Variants in MARK2 observed in about 807,000 individuals in gnomAD.
MARK2 encodes the protein microtubule affinity regulating kinase 2, also known as serine/threonine-protein kinase MARK2.
A neutral mutation model predicts 89.8 loss-of-function variants in MARK2; 16 were observed. The ratio of observed to expected loss-of-function variants is 0.18; its 90% CI spans 0.12 to 0.27. MARK2 has a LOEUF of 0.27. MARK2 is among the 10% of genes least tolerant of loss of function. The probability of loss-of-function intolerance (pLI) is 1.00; values close to 1 mark genes in which losing one functional copy is unlikely to be tolerated. For synonymous variants in MARK2, 382 were observed against 399.5 expected, an observed-to-expected ratio of 0.96 and a Z score of 0.52; for missense variants, 621 against 1,049.9, an observed-to-expected ratio of 0.59 and a Z score of 5.65.
At position 63,909,037 on chromosome 11, in the gene MARK2, T is replaced by A; in HGVS notation, c.2167T>A (p.Cys723Ser). The part of the protein sequence containing the change: ...EIRKVLDANS[C>S]QSELHEKYML... ...CCGCAAGGTGCTGGACGCGAACAGC[T>A]GCCAGAGCGAGCTGCATGAGAAGTA... Residue 723 changes from cysteine to serine, a missense_variant, in exon 19 of 19, where the codon TGC becomes AGC. Cys to Ser is a moderately radical substitution (Grantham distance 112). This residue lies in a region of MARK2 where 49 missense variants were observed against 46.7 expected (regional missense o/e 1.05). Coordinates refer to ENST00000402010, the MANE Select transcript of MARK2 (RefSeq NM_001039469.3). 6.2e-7 allele frequency: 1 copy of A among 1,600,202 alleles called. No individual in the cohort carries two copies. The highest frequency in any genetic ancestry group is 8.6e-7 in the Non-Finnish European group (1 of 1,168,586).
At position 63,902,082 on chromosome 11, in the gene MARK2, G is replaced by T. The variant is rs558143140; in HGVS notation, c.1102-116G>T. The T allele has an allele frequency of 2.7e-5, 30 of 1,130,938 alleles. No individual in the cohort carries two copies. The African/African-American group carries it at 4.4e-4, about 16-fold the overall frequency. 70.1% of individuals were successfully genotyped at this position (1,130,938 alleles called of 1,614,324 possible). A position where few individuals can be genotyped will look rare whatever the true frequency, so the allele number is the denominator to read the frequency against. On this transcript the variant is annotated intron_variant, in intron 11 of 18. Coordinates refer to ENST00000402010, the MANE Select transcript of MARK2 (RefSeq NM_001039469.3). The surrounding 1 kb of genome is among the most constrained non-coding windows in gnomAD (Gnocchi z 4.2). ...TATTGGTCTTACAAGTGGATGTCCGGTATGATCCTGGGGTGTTTGAGTGTT... is the reference window on the plus strand; with the variant it reads ...TATTGGTCTTACAAGTGGATGTCCGTTATGATCCTGGGGTGTTTGAGTGTT...
At chr11:63,857,325 T>G (rs2016916302) in intron 1 of MARK2, among the ~76,000 whole-genome samples, 1 of 152,008 alleles carries the variant, frequency 6.6e-6, no homozygotes, top group Admixed American at 6.5e-5. Flanking sequence ...TGCCACCAAG[T>G]GATTTTTGCA....
chr11:63,888,440 T>G, intron 1 of MARK2: 1 of 793,684 alleles, frequency 1.3e-6, no homozygotes, highest in African/African-American at 1.9e-5. Context: ...TCGCCAGCTG[T>G]TACCCAGCAA....
intron 1 of MARK2, among the ~76,000 whole-genome samples, chr11:63,894,354 C>T (rs937080264): frequency 3.3e-5 from 5 of 152,180 alleles, no homozygotes; most frequent in Admixed American, 6.5e-5. Context: ...GGTTCGACTT[C>T]GGCCATGCAG....
At chr11:63,853,828 T>A (rs1304054071) in intron 1 of MARK2, among the ~76,000 whole-genome samples, 1 of 152,074 alleles carries the variant, frequency 6.6e-6, no homozygotes, top group African/African-American at 2.4e-5. Flanking sequence ...TTAAAGACTA[T>A]CATTTTTTTT....
At chr11:63,865,185 C>T (rs1267888738) in intron 1 of MARK2, among the ~76,000 whole-genome samples, 1 of 152,226 alleles carries the variant, frequency 6.6e-6, no homozygotes, top group Non-Finnish European at 1.5e-5. Context: ...GCCATTGTAT[C>T]CAGCCCAGTT....
intron 1 of MARK2, among the ~76,000 whole-genome samples, chr11:63,881,012 A>G (rs1939055213): frequency 6.6e-6 from 1 of 152,216 alleles, no homozygotes; most frequent in Non-Finnish European, 1.5e-5. Context: ...GCCATGAATA[A>G]GACAGACCTG....
chr11:63,878,735 A>G (rs1175792371), intron 1 of MARK2, among the ~76,000 whole-genome samples: 2 of 151,964 alleles, frequency 1.3e-5, no homozygotes, highest in Non-Finnish European at 2.9e-5. Context: ...TCTGCTGCCC[A>G]TGGTGCTTGG....
intron 1 of MARK2, among the ~76,000 whole-genome samples, chr11:63,855,725 G>T (rs1565099824): frequency 6.6e-6 from 1 of 152,142 alleles, no homozygotes; most frequent in Non-Finnish European, 1.5e-5. Flanking sequence ...TCTGTGAAGT[G>T]AGATTTTCTT....
At chr11:63,862,126 T>C (rs1025781655) in intron 1 of MARK2, among the ~76,000 whole-genome samples, 14 of 151,726 alleles carry the variant, frequency 9.2e-5, no homozygotes, top group Non-Finnish European at 1.9e-4. Context: ...GGTTTTACCG[T>C]GTTGGCCAGG....
intron 1 of MARK2, among the ~76,000 whole-genome samples, chr11:63,850,251 C>T (rs533942477): frequency 2.6e-5 from 4 of 151,584 alleles, no homozygotes; most frequent in South Asian, 2.1e-4. Flanking sequence ...CAGGTTCAAG[C>T]GATTCTCCTG....
intron 1 of MARK2, among the ~76,000 whole-genome samples, chr11:63,848,156 C>T (rs454474): frequency 0.26 from 39,638 of 152,062 alleles, 6,656 homozygotes; most frequent in Non-Finnish European, 0.37. Flanking sequence ...AGGATTATTT[C>T]CCAGTCTCCC....
chr11:63,908,874 C>T lies in MARK2; in HGVS notation c.2007-3C>T, dbSNP rs1175315732. 2 of 1,494,820 alleles carry T rather than the reference C, an allele frequency of 1.3e-6. No individual in the cohort carries two copies. Among genetic ancestry groups the T allele is most frequent in the Non-Finnish European group, 1.8e-6 (2 of 1,118,440 alleles). The allele number at this position is 1,494,820 out of a possible 1,614,324, so 92.6% of individuals were successfully genotyped here. A position where few individuals can be genotyped will look rare whatever the true frequency, so the allele number is the denominator to read the frequency against. On this transcript the variant is annotated splice_region_variant and splice_polypyrimidine_tract_variant and intron_variant, in intron 18 of 18. Coordinates refer to ENST00000402010, the MANE Select transcript of MARK2 (RefSeq NM_001039469.3). ...GTGACGCCCGCCTCTGCCCTCTCCA[C>T]AGACCTCACGTGGTGGGCAGTGGCG... is the stretch of plus-strand genomic sequence containing the variant.
intron 1 of MARK2, among the ~76,000 whole-genome samples, chr11:63,863,915 G>T (rs898478222): frequency 6.6e-6 from 1 of 151,992 alleles, no homozygotes; most frequent in African/African-American, 2.4e-5. Flanking sequence ...GGACTAATAG[G>T]CACGTCCCAC....
chr11:63,861,278 A>G (rs1217435498), intron 1 of MARK2, among the ~76,000 whole-genome samples: 1 of 152,118 alleles, frequency 6.6e-6, no homozygotes, highest in African/African-American at 2.4e-5. Context: ...TACTAAAAAT[A>G]CAAAAAACGT....
chr11:63,872,874 C>T (rs79582744), intron 1 of MARK2, among the ~76,000 whole-genome samples: 1,831 of 150,068 alleles, frequency 0.012, 51 homozygotes, highest in East Asian at 0.042. Context: ...CCTCCTCTCC[C>T]CCACTTCTCC....
At chr11:63,896,419 G>C (rs1188344762) in intron 3 of MARK2, among the ~76,000 whole-genome samples, 1 of 152,256 alleles carries the variant, frequency 6.6e-6, no homozygotes, top group Non-Finnish European at 1.5e-5. Flanking sequence ...ACCTTTTAGA[G>C]AATGAGCTCC....
chr11:63,902,283 A>G lies in MARK2; in HGVS notation c.1187A>G (p.Gln396Arg). 6.2e-7 allele frequency: 1 copy of G among 1,614,150 alleles called. No homozygotes were observed. The highest frequency in any genetic ancestry group is 8.5e-7 in the Non-Finnish European group (1 of 1,180,018). The change falls in exon 12 of 19, where the codon CAG becomes CGG. Residue 396 changes from glutamine (Q) to arginine (R), a missense_variant. Transcript: ENST00000402010. This position sits in a 1 kb window ranked among gnomAD's most constrained non-coding sequence, Gnocchi z 4.2. ...SSAPSPSHKVQRSVSANPKQR... is the reference protein window; with the variant it reads ...SSAPSPSHKVRRSVSANPKQR... ...GCCCCATCCCCATCCCACAAGGTAC[A>G]GCGCAGCGTGTCGGCCAATCCCAAG...
chr11:63,906,734 C>T (rs998717198), intron 17 of MARK2, among the ~76,000 whole-genome samples: 2 of 151,892 alleles, frequency 1.3e-5, no homozygotes, highest in East Asian at 1.9e-4. Flanking sequence ...CAGTCTGGCT[C>T]CCCCAGACCT....
Sources: gnomAD v4.1 joint callset for allele counts (sites outside exome capture counted in the v4.1 genomes callset) on GRCh38, gnomAD v4.1.1 for gene constraint, gnomAD v4.1.1 regional missense constraint, Gnocchi (gnomAD v3.1) non-coding constraint, MANE v1.5 for transcripts, NCBI Gene and HGNC (gene_info 2026-07-23, HGNC 2026-07-21) for gene names.